PRPSAP2: variants seen among roughly 807,000 people sequenced by gnomAD.
PRPSAP2 encodes the protein phosphoribosyl pyrophosphate synthase-associated protein 2.
In PRPSAP2, 24 loss-of-function variants were observed where a neutral mutation model predicts 40.6. The ratio of observed to expected loss-of-function variants is 0.59; its 90% CI spans 0.43 to 0.83. The LOEUF (loss-of-function observed/expected upper bound fraction) is 0.83. Among genes scored for constraint, PRPSAP2 ranks in the 40% least tolerant of loss-of-function variants. The pLI, the probability that PRPSAP2 is intolerant of heterozygous loss-of-function variation, is 0.00. For synonymous variants in PRPSAP2, 149 were observed against 164.7 expected (o/e 0.90, Z 0.73); for missense variants, 292 against 465.6 (o/e 0.63, Z 3.43).
intron 8 of PRPSAP2, among the ~76,000 whole-genome samples, chr17:18,900,356 A>G (rs2040193315): frequency 6.6e-6 from 1 of 151,940 alleles, no homozygotes; most frequent in South Asian, 2.1e-4. Context: ...TTTTTTTGTC[A>G]ATACTTTCTT....
chr17:18,900,316 C>T (rs1224987210), intron 8 of PRPSAP2, among the ~76,000 whole-genome samples: 2 of 152,226 alleles, frequency 1.3e-5, no homozygotes, highest in Non-Finnish European at 2.9e-5. Context: ...GACACTACGC[C>T]TGGCCTTGGG....
In PRPSAP2 at chr17:18,874,487, G is replaced by A. The variant is rs528198886; in HGVS notation, c.239+1838G>A. On this transcript the variant is annotated intron_variant, in intron 5 of 11. Coordinates refer to ENST00000268835, the MANE Select transcript of PRPSAP2 (RefSeq NM_002767.4). ...TAAATTTTGAACATTTTCTCTCCTG[G>A]TCTTTGGTTTATTGGGATGAAGTCA... Among the ~76,000 whole-genome samples the A allele has an allele frequency of 1.1e-4, 17 of 152,262 alleles. No individual in the cohort carries two copies. The South Asian group carries it at 2.3e-3, about 20-fold the overall frequency.
At chr17:18,898,092 G>A (rs926543057) in intron 8 of PRPSAP2, among the ~76,000 whole-genome samples, 28 of 140,870 alleles carry the variant, frequency 2.0e-4, no homozygotes, top group African/African-American at 5.5e-4. Flanking sequence ...TCCGCCTCCC[G>A]GGTTCAAGTG....
At chr17:18,899,886 T>C (rs2151938582) in intron 8 of PRPSAP2, among the ~76,000 whole-genome samples, 1 of 151,246 alleles carries the variant, frequency 6.6e-6, no homozygotes, top group East Asian at 1.9e-4. Context: ...CTAAAATAAG[T>C]TTTTGGTTCT....
At chr17:18,899,522 T>TTG (rs2040135194) in intron 8 of PRPSAP2, among the ~76,000 whole-genome samples, 1 of 88,128 alleles carries the variant, frequency 1.1e-5, no homozygotes, top group Non-Finnish European at 2.2e-5. Context: ...CAACTGAGTT[T>TTG]TTTTTTTTTT....
chr17:18,877,996 A>C, intron 6 of PRPSAP2, 126 bp downstream of exon 6: 2 of 1,036,280 alleles, frequency 1.9e-6, no homozygotes, highest in South Asian at 1.7e-5. Context: ...ATCATAGCTC[A>C]CTGCAACTTG....
intron 1 of PRPSAP2, among the ~76,000 whole-genome samples, chr17:18,860,912 G>A (rs1036905501): frequency 5.3e-5 from 8 of 152,054 alleles, no homozygotes; most frequent in South Asian, 2.1e-4. Flanking sequence ...CTCTGAAAAC[G>A]GTGTGTTTTC....
chr17:18,923,945 G>C lies in PRPSAP2; in HGVS notation c.765G>C (p.Thr255=). The change falls in exon 10 of 12, where the codon ACG becomes ACC. Residue 255 remains threonine (T), a synonymous_variant. Transcript: ENST00000268835. ...MLIPKEKPPI[T]VVGDVGGRIA... ...TTCCTAAAGAAAAGCCCCCAATCAC[G>C]GTTGTGGGTGATGTTGGAGGAAGGA... 2 of 1,613,708 alleles carry C rather than the reference G, an allele frequency of 1.2e-6. No individual in the cohort carries two copies. The highest frequency in any genetic ancestry group is 2.2e-5 in the South Asian group (2 of 91,052).
chr17:18,861,483 AAAAAG>A (rs915524685), intron 1 of PRPSAP2: 6 of 152,370 alleles, frequency 3.9e-5, no homozygotes, highest in Non-Finnish European at 8.8e-5. Context: ...AAAAAAGAAA[AAAAAG>A]AAAAATAAAC....
chr17:18,914,391 G>A (rs1416923916), intron 9 of PRPSAP2, among the ~76,000 whole-genome samples: 2 of 150,230 alleles, frequency 1.3e-5, no homozygotes, highest in Non-Finnish European at 3.0e-5. Context: ...CCAAGTAGCT[G>A]GGACTATAGA....
chr17:18,900,640 T>C (rs1175591331), intron 8 of PRPSAP2, among the ~76,000 whole-genome samples: 1 of 152,168 alleles, frequency 6.6e-6, no homozygotes, highest in African/African-American at 2.4e-5. Flanking sequence ...CTCAGGACTC[T>C]GGCAGGGAAA....
chr17:18,921,980 C>A (rs1238858615), intron 9 of PRPSAP2, among the ~76,000 whole-genome samples: 1 of 152,198 alleles, frequency 6.6e-6, no homozygotes, highest in Non-Finnish European at 1.5e-5. Flanking sequence ...AGTAGTTTCA[C>A]CATGCCCCCA....
intron 8 of PRPSAP2, among the ~76,000 whole-genome samples, chr17:18,898,652 C>A (rs2040069837): frequency 6.6e-6 from 1 of 152,090 alleles, no homozygotes; most frequent in Non-Finnish European, 1.5e-5. Context: ...AGTTGGTTAT[C>A]ATGAATTATT....
chr17:18,907,438 A>G (rs544166130), intron 8 of PRPSAP2, among the ~76,000 whole-genome samples: 81 of 152,336 alleles, frequency 5.3e-4, no homozygotes, highest in Non-Finnish European at 1.0e-3. Flanking sequence ...AAATAGATAT[A>G]TCCATAATGA....
chr17:18,903,321 A>G (rs2040395628), intron 8 of PRPSAP2, among the ~76,000 whole-genome samples: 2 of 151,576 alleles, frequency 1.3e-5, no homozygotes, highest in African/African-American at 4.9e-5. Flanking sequence ...AAATAAATAA[A>G]TGAATGAATG....
intron 9 of PRPSAP2, among the ~76,000 whole-genome samples, chr17:18,915,914 G>A (rs964865178): frequency 6.6e-6 from 1 of 151,824 alleles, no homozygotes; most frequent in Admixed American, 6.6e-5. Flanking sequence ...CCACCTCCTG[G>A]GTTCAAGCAG....
At chr17:18,903,252 C>T (rs1246523020) in intron 8 of PRPSAP2, among the ~76,000 whole-genome samples, 1 of 148,132 alleles carries the variant, frequency 6.8e-6, no homozygotes, top group Non-Finnish European at 1.5e-5. Context: ...GCGGAGGTTG[C>T]GGTGAGCCCA....
At chr17:18,885,195 G>A (rs927199156) in intron 7 of PRPSAP2, among the ~76,000 whole-genome samples, 2 of 151,954 alleles carry the variant, frequency 1.3e-5, no homozygotes, top group Admixed American at 6.6e-5. Flanking sequence ...GAGTCCAGGA[G>A]TTTAAGACCA....
chr17:18,920,907 A>G (rs2041651916), intron 9 of PRPSAP2, among the ~76,000 whole-genome samples: 1 of 151,954 alleles, frequency 6.6e-6, no homozygotes, highest in Non-Finnish European at 1.5e-5. Context: ...CATGCTTCAT[A>G]CATAATTGTG....
Sources: allele counts gnomAD v4.1 joint callset (sites outside exome capture counted in the v4.1 genomes callset), GRCh38; gene constraint gnomAD v4.1.1; transcripts MANE v1.5; gene names NCBI Gene and HGNC (gene_info 2026-07-23, HGNC 2026-07-21).